The following MIA variants were observed in gnomAD, a reference collection of about 807,000 sequenced individuals.
MIA encodes the protein MIA SH3 domain containing.
MIA carries 18 observed loss-of-function variants against 18.5 expected under a neutral mutation model. The observed-to-expected ratio is 0.97, with a 90% CI of 0.67 to 1.44. The LOEUF is 1.44. Ranked by LOEUF, MIA falls within the 40% of genes most tolerant of loss-of-function variation. The pLI is 0.00. For synonymous variants in MIA, 55 were observed against 64.9 expected (o/e 0.85, Z 0.74); for missense variants, 158 against 172.4 (o/e 0.92, Z 0.47).
At chr19:40,776,861 G>A in intron 2 of MIA, 108 bp from the exon 3 acceptor site, 3 of 707,522 alleles carry the variant, frequency 4.2e-6, no homozygotes, top group Non-Finnish European at 2.4e-6. Flanking sequence ...CATATGACAA[G>A]GATGGAGCAG....
chr19:40,777,361 G>A, intron 3 of MIA, 36 bp from the exon 4 acceptor site: 2 of 1,612,972 alleles, frequency 1.2e-6, no homozygotes, highest in Non-Finnish European at 1.7e-6. Context: ...GTGACCGCTG[G>A]TTTTCTTTCC....
chr19:40,777,396 G>A lies in MIA; in HGVS notation c.373-1G>A, dbSNP rs564437506. On this transcript the variant is annotated splice_acceptor_variant, in intron 3 of 3. Coordinates refer to ENST00000263369, the MANE Select transcript of MIA (RefSeq NM_006533.4). LOFTEE classifies it high-confidence loss of function. ...CACTGTTTCCCCTTTCTCTTTTTCAGAAATGGGATTTCTACTGCCAGTGAG... is the reference window on the plus strand; with the variant it reads ...CACTGTTTCCCCTTTCTCTTTTTCAAAAATGGGATTTCTACTGCCAGTGAG... 6.2e-7 allele frequency: 1 copy of A among 1,613,850 alleles called. No individual in the cohort carries two copies. Among genetic ancestry groups the A allele is most frequent in the African/African-American group, 1.3e-5 (1 of 74,974 alleles).
In MIA at chr19:40,777,054, C is replaced by G; in HGVS notation, c.347C>G (p.Pro116Arg). The change falls in exon 3 of 4, where the codon CCT (proline) becomes CGT (arginine). Residue 116 changes from proline (P) to arginine (R), a missense_variant. Physicochemically the swap from Pro to Arg is moderately radical, Grantham distance 103. Coordinates refer to ENST00000263369, the MANE Select transcript of MIA (RefSeq NM_006533.4). ...GTCCGAGAGGACCAGACCCTGAAAC[C>G]TGGCAAAGTCGATGTGAAGACAGAC... Reference protein sequence around the residue: ...SIVREDQTLKPGKVDVKTDKW... With the variant: ...SIVREDQTLKRGKVDVKTDKW... The G allele has an allele frequency of 6.2e-7, 1 of 1,613,018 alleles. No individual in the cohort carries two copies. The highest frequency in any genetic ancestry group is 8.5e-7 in the Non-Finnish European group (1 of 1,179,810).
At position 40,777,432 on chromosome 19, in the gene MIA, C is replaced by G; in HGVS notation, c.*12C>G. 1 of 1,610,370 alleles carries G rather than the reference C, an allele frequency of 6.2e-7. No individual in the cohort carries two copies. Among genetic ancestry groups the G allele is most frequent in the Non-Finnish European group, 8.5e-7 (1 of 1,177,864 alleles). ...TCTACTGCCAGTGAGCTCAGCCTAC[C>G]GCTGGCCCTGCCGTTTCCCCTCCTT... On this transcript the variant is annotated 3_prime_UTR_variant, in exon 4 of 4. Coordinates refer to ENST00000263369, the MANE Select transcript of MIA (RefSeq NM_006533.4).
At position 40,775,812 on chromosome 19, in the gene MIA, C is replaced by A; in HGVS notation, c.188C>A (p.Thr63Asn). 1 of 1,614,086 alleles carries A rather than the reference C, an allele frequency of 6.2e-7. No homozygotes were observed. ...ATGGCCCCCGACTGCCGATTCCTGA[C>A]CATTCACCGGGGCCAAGTGGTGTAT... ...DYMAPDCRFL[T>N]IHRGQVVYVF... Residue 63 changes from threonine to asparagine, a missense_variant, in exon 2 of 4, where the codon ACC becomes AAC. Transcript: ENST00000263369.
At chr19:40,777,334 A>T (rs2083005287) in intron 3 of MIA, 63 bp from the exon 4 acceptor site, 1 of 1,591,650 alleles carries the variant, frequency 6.3e-7, no homozygotes, top group Non-Finnish European at 8.6e-7. Flanking sequence ...TGCTAAAACC[A>T]CTAGATCCTT....
At position 40,777,276 on chromosome 19, in the gene MIA, T is replaced by C. The variant is rs577764423; in HGVS notation, c.373-121T>C. The C allele has an allele frequency of 2.1e-4, 260 of 1,255,600 alleles. No individual in the cohort carries two copies. The African/African-American group carries it at 2.7e-3, about 13-fold the overall frequency. The allele number at this position is 1,255,600 out of a possible 1,614,324, so 77.8% of individuals were successfully genotyped here. A position where few individuals can be genotyped will look rare whatever the true frequency, so the allele number is the denominator to read the frequency against. ...AAAGATTAGAGGGCTCTAGGCTAATTTGCATAGCACTTGTGTGGCCAGACC... is the reference window on the plus strand; with the variant it reads ...AAAGATTAGAGGGCTCTAGGCTAATCTGCATAGCACTTGTGTGGCCAGACC... On this transcript the variant is annotated intron_variant, in intron 3 of 3. Coordinates refer to ENST00000263369, the MANE Select transcript of MIA (RefSeq NM_006533.4).
chr19:40,775,440 A>C, upstream of MIA: 2 of 1,568,662 alleles, frequency 1.3e-6, no homozygotes. Flanking sequence ...TAGGGCGGGG[A>C]CAAGACCAAG....
chr19:40,777,179 T>C lies in MIA; in HGVS notation c.372+100T>C, dbSNP rs1486711095. ...ACACTTGGCTCCCTGGCAGCCTAGG[T>C]ATGTGCGCTGGGAGAAATTCTTTCC... On this transcript the variant is annotated intron_variant, in intron 3 of 3. Coordinates refer to ENST00000263369, the MANE Select transcript of MIA (RefSeq NM_006533.4). The C allele has an allele frequency of 6.9e-6, 8 of 1,161,206 alleles. 1 individual carries two copies. The Middle Eastern group carries it at 8.4e-4, about 122-fold the overall frequency. 71.9% of individuals were successfully genotyped at this position (1,161,206 alleles called of 1,614,324 possible).
chr19:40,775,874 T>C lies in MIA; in HGVS notation c.250T>C (p.Trp84Arg). ...SKLKGRGRLF[W>R]GGSVQGDYYG... ...GCTGAAGGGCCGTGGGCGGCTCTTC[T>C]GGGGAGGCAGCGTGAGTCTTGGGAG... The change falls in exon 2 of 4, where the codon TGG (tryptophan) becomes CGG (arginine). Residue 84 changes from tryptophan (W) to arginine (R), a missense_variant. By Grantham distance (101) the Trp-to-Arg change is moderately radical. Transcript: ENST00000263369. 1 of 1,613,782 alleles carries C rather than the reference T, an allele frequency of 6.2e-7. No individual in the cohort carries two copies. Among genetic ancestry groups the C allele is most frequent in the Non-Finnish European group, 8.5e-7 (1 of 1,179,958 alleles).
chr19:40,777,114 G>A, intron 3 of MIA, 35 bp downstream of exon 3: 4 of 1,570,234 alleles, frequency 2.5e-6, no homozygotes, highest in Non-Finnish European at 3.5e-6. Context: ...AAATGTGGGG[G>A]GAGGACCCTT....
At chr19:40,775,988 T>A in intron 2 of MIA, 103 bp downstream of exon 2, 3 of 1,361,354 alleles carry the variant, frequency 2.2e-6, no homozygotes, top group South Asian at 1.4e-5. Flanking sequence ...ATAGACATTG[T>A]GGGGGGATAT....
chr19:40,777,117 G>A, intron 3 of MIA, 38 bp downstream of exon 3: 6 of 1,563,132 alleles, frequency 3.8e-6, no homozygotes, highest in East Asian at 2.2e-5. Flanking sequence ...TGTGGGGGGA[G>A]GACCCTTAGG....
rs1315424140 is a variant in MIA, at chr19:40,776,036, A to AT, written c.261+157dup. On this transcript the variant is annotated intron_variant, in intron 2 of 3. Coordinates refer to ENST00000263369, the MANE Select transcript of MIA (RefSeq NM_006533.4). ...TATTTTATTTGCTTATTATTTTTTAATTTTTTCCGAGACAGAGTCTTGCTC... is the reference window on the plus strand; with the variant it reads ...TATTTTATTTGCTTATTATTTTTTAATTTTTTTCCGAGACAGAGTCTTGCTC... 11 of 1,198,874 alleles carry AT rather than the reference A, an allele frequency of 9.2e-6. No individual in the cohort carries two copies. The African/African-American group carries it at 1.1e-4, about 12-fold the overall frequency. 74.3% of individuals were successfully genotyped at this position (1,198,874 alleles called of 1,614,324 possible). A position where few individuals can be genotyped will look rare whatever the true frequency, so the allele number is the denominator to read the frequency against.
At chr19:40,777,327 T>TA in intron 3 of MIA, 70 bp from the exon 4 acceptor site, 3 of 1,581,130 alleles carry the variant, frequency 1.9e-6, no homozygotes, top group Non-Finnish European at 1.7e-6. Flanking sequence ...CAGCCTTTGC[T>TA]AAAACCACTA....
chr19:40,775,502 C>T (rs373799388), upstream of MIA: 115 of 1,612,512 alleles, frequency 7.1e-5, no homozygotes, highest in Non-Finnish European at 8.5e-5. Context: ...AAATTGGAGA[C>T]CCCAGCACCC....
upstream of MIA, chr19:40,775,284 A>C (rs1367722800): frequency 2.0e-6 from 1 of 511,016 alleles, no homozygotes; most frequent in Non-Finnish European, 3.5e-6. Context: ...GTGATTGTTG[A>C]GGAGGGGGCT....
At position 40,777,011 on chromosome 19, in the gene MIA, T is replaced by A. The variant is rs962435120; in HGVS notation, c.304T>A (p.Tyr102Asn). 6.2e-7 allele frequency: 1 copy of A among 1,613,894 alleles called. No homozygotes were observed. Among genetic ancestry groups the A allele is most frequent in the East Asian group, 2.2e-5 (1 of 44,882 alleles). ...TGGAGATCTGGCTGCTCGCCTGGGC[T>A]ATTTCCCCAGTAGCATTGTCCGAGA... is the stretch of plus-strand genomic sequence containing the variant. Reference protein sequence around the residue: ...YYGDLAARLGYFPSSIVREDQ... With the variant: ...YYGDLAARLGNFPSSIVREDQ... The change falls in exon 3 of 4, where the codon TAT (tyrosine) becomes AAT (asparagine). Residue 102 changes from tyrosine to asparagine, a missense_variant. By Grantham distance (143) the Tyr-to-Asn change is moderately radical. Transcript: ENST00000263369.
At position 40,777,454 on chromosome 19, in the gene MIA, C is replaced by T. The variant is rs199922899; in HGVS notation, c.*34C>T. 11 of 1,608,874 alleles carry T rather than the reference C, an allele frequency of 6.8e-6. No homozygotes were observed. Among genetic ancestry groups the T allele is most frequent in the African/African-American group, 4.0e-5 (3 of 74,906 alleles). On this transcript the variant is annotated 3_prime_UTR_variant, in exon 4 of 4. Transcript: ENST00000263369. ...TACCGCTGGCCCTGCCGTTTCCCCT[C>T]CTTGGCTTTATGCAAATACAATCAG...
Sources: gnomAD v4.1 joint callset for allele counts on GRCh38, gnomAD v4.1.1 for gene constraint, MANE v1.5 for transcripts, NCBI Gene and HGNC (gene_info 2026-07-23, HGNC 2026-07-21) for gene names.